Variants in FRMD4A observed in about 807,000 individuals in gnomAD.
The protein encoded by FRMD4A is FERM domain-containing protein 4A.
Under a neutral mutation model 129.1 loss-of-function variants are expected in FRMD4A, and 29 were observed. That is an observed-to-expected ratio of 0.22 (90% CI 0.17 to 0.31). The LOEUF is 0.31. FRMD4A is among the 10% of genes least tolerant of loss of function. The probability of loss-of-function intolerance (pLI) is 1.00; values close to 1 mark genes in which losing one functional copy is unlikely to be tolerated. For missense variants in FRMD4A, 1,272 were observed against 1,375.8 expected, an observed-to-expected ratio of 0.92 and a Z score of 1.19; for synonymous variants, 634 against 571.6, an observed-to-expected ratio of 1.11 and a Z score of -1.56.
chr10:13,713,820 A>T (rs9664071), intron 12 of FRMD4A, among the ~76,000 whole-genome samples: 1 of 59,148 alleles, frequency 1.7e-5, no homozygotes, highest in Non-Finnish European at 2.8e-5. Flanking sequence ...CATATATATA[A>T]TATATATACA....
chr10:13,692,674 A>T (rs1414879023), intron 15 of FRMD4A: 1 of 152,180 alleles, frequency 6.6e-6, no homozygotes, highest in Non-Finnish European at 1.5e-5. Context: ...CTATGATTGG[A>T]TCACACCAGC....
chr10:14,321,207 G>A (rs2132120284), intron 2 of FRMD4A, among the ~76,000 whole-genome samples: 1 of 151,974 alleles, frequency 6.6e-6, no homozygotes, highest in East Asian at 1.9e-4. Context: ...ATGAATGAAT[G>A]AAACAAATGA....
rs1845364993 is a variant in FRMD4A, at chr10:14,277,006, A to G, written c.45+53052T>C. ...CAGCCTCCCAAGTAGCTGAGATTAC[A>G]GGTACTCACAACCATACCTAGCTAA... is the stretch of plus-strand genomic sequence containing the variant. On this transcript the variant is annotated intron_variant, in intron 2 of 24. Transcript: ENST00000357447. Among the ~76,000 whole-genome samples, 2 of 152,310 alleles carry G rather than the reference A, an allele frequency of 1.3e-5. 1 individual carries two copies. The highest frequency in any genetic ancestry group is 6.8e-3 in the Middle Eastern group (2 of 294).
At chr10:14,123,578 G>A (rs1004445957) in intron 2 of FRMD4A, among the ~76,000 whole-genome samples, 13 of 152,168 alleles carry the variant, frequency 8.5e-5, no homozygotes, top group African/African-American at 2.9e-4. Flanking sequence ...CTTTGTTTCT[G>A]GTAGTGAAGG....
intron 2 of FRMD4A, among the ~76,000 whole-genome samples, chr10:14,167,538 C>CAAAAAA (rs59290414): frequency 3.5e-5 from 2 of 57,578 alleles, no homozygotes; most frequent in African/African-American, 7.5e-5. Flanking sequence ...CTCCGTCTCT[C>CAAAAAA]AAAAAAAAAA....
At chr10:13,978,234 G>T (rs1056462096) in intron 2 of FRMD4A, among the ~76,000 whole-genome samples, 5 of 152,192 alleles carry the variant, frequency 3.3e-5, no homozygotes, top group Admixed American at 6.5e-5. Context: ...TGGCCTTTGG[G>T]TAGGATAGGG....
chr10:14,055,883 A>G (rs1212629595), intron 2 of FRMD4A, among the ~76,000 whole-genome samples: 1 of 152,176 alleles, frequency 6.6e-6, no homozygotes, highest in Admixed American at 6.5e-5. Flanking sequence ...TGAAATTATC[A>G]TTGACTATTG....
At chr10:14,244,288 C>T (rs1844155847) in intron 2 of FRMD4A, among the ~76,000 whole-genome samples, 1 of 152,214 alleles carries the variant, frequency 6.6e-6, no homozygotes, top group African/African-American at 2.4e-5. Context: ...CTTCCACCCC[C>T]TTCCAGGCGC....
At chr10:14,029,810 GAAAAAA>G (rs11310080) in intron 2 of FRMD4A, among the ~76,000 whole-genome samples, 91 of 147,848 alleles carry the variant, frequency 6.2e-4, no homozygotes, top group African/African-American at 2.1e-3. Flanking sequence ...CAGTTTACAT[GAAAAAA>G]AAAAAAAAAA....
At chr10:13,685,915 A>G (rs1049887553) in intron 15 of FRMD4A, among the ~76,000 whole-genome samples, 2 of 152,238 alleles carry the variant, frequency 1.3e-5, no homozygotes, top group African/African-American at 4.8e-5. Context: ...GGGGATAAAT[A>G]TAGCTGTGTA....
intron 2 of FRMD4A, among the ~76,000 whole-genome samples, chr10:13,931,771 T>C (rs2131286728): frequency 9.1e-6 from 1 of 110,106 alleles, no homozygotes; most frequent in Admixed American, 1.1e-4. Flanking sequence ...AATCTCATCT[T>C]TACTAAAAAA....
At chr10:13,962,989 G>A (rs1270709491) in intron 2 of FRMD4A, among the ~76,000 whole-genome samples, 1 of 152,158 alleles carries the variant, frequency 6.6e-6, no homozygotes, top group South Asian at 2.1e-4. Flanking sequence ...TGCAAATACT[G>A]TCCACATCAA....
At chr10:14,147,306 C>T (rs988135687) in intron 2 of FRMD4A, among the ~76,000 whole-genome samples, 1 of 151,972 alleles carries the variant, frequency 6.6e-6, no homozygotes, top group East Asian at 1.9e-4. Flanking sequence ...ATGCTGGGGC[C>T]AAATGGTATC....
intron 2 of FRMD4A, among the ~76,000 whole-genome samples, chr10:14,256,211 A>C (rs1844609262): frequency 6.6e-6 from 1 of 152,206 alleles, no homozygotes; most frequent in South Asian, 2.1e-4. Context: ...ATATCTAAGA[A>C]TGCATTGCTA....
chr10:14,152,748 G>C (rs1840403434), intron 2 of FRMD4A, among the ~76,000 whole-genome samples: 1 of 152,150 alleles, frequency 6.6e-6, no homozygotes, highest in Non-Finnish European at 1.5e-5. Context: ...GCTGAGGAGG[G>C]AGGATCGCTT....
chr10:13,988,698 AGATG>A (rs1417056125), intron 2 of FRMD4A, among the ~76,000 whole-genome samples: 4 of 152,204 alleles, frequency 2.6e-5, no homozygotes, highest in African/African-American at 9.6e-5. Flanking sequence ...ATAGTTGAAC[AGATG>A]GATGGATAGA....
At chr10:14,039,920 G>A (rs1833712894) in intron 2 of FRMD4A, among the ~76,000 whole-genome samples, 1 of 152,166 alleles carries the variant, frequency 6.6e-6, no homozygotes, top group South Asian at 2.1e-4. Context: ...TCAGATATTT[G>A]GGGTTCATAT....
chr10:14,053,784 C>T (rs781678061), intron 2 of FRMD4A, among the ~76,000 whole-genome samples: 8 of 151,856 alleles, frequency 5.3e-5, no homozygotes, highest in Non-Finnish European at 8.8e-5. Flanking sequence ...TTTGGGAGGC[C>T]GAGGTGAGGT....
rs768029606 is a variant in FRMD4A at position 13,654,522 on chromosome 10, G to A, written c.2954-10C>T. On this transcript the variant is annotated splice_polypyrimidine_tract_variant and intron_variant, in intron 22 of 24. Coordinates refer to ENST00000357447, the MANE Select transcript of FRMD4A (RefSeq NM_018027.5). The stretch of plus-strand genomic sequence containing the variant: ...CTTTGAGGTAAGGCAGCTACATGCA[G>A]GTGGTGCAAGAAAGGCAGAGAGCAG... 3.8e-6 allele frequency: 6 copies of A among 1,585,150 alleles called. No homozygotes were observed. In the African/African-American group the frequency reaches 8.1e-5, roughly 21 times the overall value.
Sources: allele counts gnomAD v4.1 joint callset (sites outside exome capture counted in the v4.1 genomes callset), GRCh38; gene constraint gnomAD v4.1.1; transcripts MANE v1.5; gene names NCBI Gene and HGNC (gene_info 2026-07-23, HGNC 2026-07-21).